The following RAD54B variants were observed in gnomAD, a reference collection of about 807,000 sequenced individuals.
RAD54B encodes the protein DNA repair and recombination protein RAD54B.
RAD54B carries 78 observed loss-of-function variants against 95.8 expected under a neutral mutation model. That is an observed-to-expected ratio of 0.81 (90% CI 0.68 to 0.98). The LOEUF (loss-of-function observed/expected upper bound fraction) is 0.98. Among genes scored for constraint, RAD54B ranks in the 50% least tolerant of loss-of-function variants. RAD54B has a pLI of 0.00. For missense variants in RAD54B, 957 were observed against 1,056.6 expected, an observed-to-expected ratio of 0.91 and a Z score of 1.31; for synonymous variants, 328 against 354.9, an observed-to-expected ratio of 0.92 and a Z score of 0.85.
intron 3 of RAD54B, among the ~76,000 whole-genome samples, chr8:94,444,759 A>G (rs1398030665): frequency 7.4e-6 from 1 of 135,290 alleles, no homozygotes; most frequent in Non-Finnish European, 1.6e-5. Flanking sequence ...TAGGCCCCTG[A>G]CCTTCCTTTC....
chr8:94,392,836 T>C (rs1586131446), intron 9 of RAD54B, among the ~76,000 whole-genome samples: 2 of 148,130 alleles, frequency 1.4e-5, no homozygotes, highest in African/African-American at 5.1e-5. Context: ...TTTAATTTTT[T>C]AGTTTTGTTT....
intron 14 of RAD54B, 149 bp from the exon 15 acceptor site, chr8:94,372,536 A>G (rs1299023438): frequency 1.4e-6 from 2 of 1,388,502 alleles, no homozygotes; most frequent in Non-Finnish European, 9.5e-7. Context: ...CTTTTTACAA[A>G]CATTTATAAG....
rs750783757 is a variant in RAD54B, at chr8:94,400,253, T to A, written c.1155A>T (p.Ile385=). 2.5e-6 allele frequency: 4 copies of A among 1,612,202 alleles called. No individual in the cohort carries two copies. Among genetic ancestry groups the A allele is most frequent in the Non-Finnish European group, 1.7e-6 (2 of 1,178,424 alleles). ...QKWLGSERIK[I]FTVDQDHKVE... is the part of the protein sequence containing the mutation. ...AGTTTCTTACCTGATCAACAGTAAA[T>A]ATCTTGATCCTTTCACTTCCTAGCC... is the stretch of plus-strand genomic sequence containing the variant. The change falls in exon 7 of 15, where the codon ATA becomes ATT. Residue 385 remains isoleucine (I), a synonymous_variant. Coordinates refer to ENST00000336148, the MANE Select transcript of RAD54B (RefSeq NM_012415.3).
chr8:94,473,583 T>C (rs1300557004), intron 1 of RAD54B, among the ~76,000 whole-genome samples: 1 of 152,184 alleles, frequency 6.6e-6, no homozygotes, highest in East Asian at 1.9e-4. Flanking sequence ...TAATTAGTAT[T>C]ATCGGAGAGT....
intron 3 of RAD54B, among the ~76,000 whole-genome samples, chr8:94,422,161 G>T (rs1811819676): frequency 6.6e-6 from 1 of 151,928 alleles, no homozygotes; most frequent in Non-Finnish European, 1.5e-5. Flanking sequence ...GCCTTCCCCA[G>T]TAACTTATAA....
At chr8:94,376,908 A>T (rs1394961007) in intron 14 of RAD54B, among the ~76,000 whole-genome samples, 1 of 151,928 alleles carries the variant, frequency 6.6e-6, no homozygotes, top group Non-Finnish European at 1.5e-5. Context: ...ATGTTTATAT[A>T]AAATCTAAAT....
intron 3 of RAD54B, among the ~76,000 whole-genome samples, chr8:94,444,503 G>A (rs973857640): frequency 5.3e-5 from 8 of 151,440 alleles, no homozygotes; most frequent in Admixed American, 2.0e-4. Context: ...GTGGATCTAC[G>A]TGTTCTAAAA....
intron 4 of RAD54B, among the ~76,000 whole-genome samples, chr8:94,409,827 G>A (rs1811483394): frequency 6.6e-6 from 1 of 152,122 alleles, no homozygotes; most frequent in Non-Finnish European, 1.5e-5. Context: ...ATATTCCAAA[G>A]TAATTGTGAT....
intron 3 of RAD54B, among the ~76,000 whole-genome samples, chr8:94,412,699 C>T (rs1811557369): frequency 6.6e-6 from 1 of 151,782 alleles, no homozygotes; most frequent in African/African-American, 2.4e-5. Flanking sequence ...ATTTTTTTTC[C>T]TTTTTACTAT....
In RAD54B at chr8:94,391,769, C is replaced by T. The variant is rs1028681710; in HGVS notation, c.1649G>A (p.Arg550Gln). The T allele has an allele frequency of 8.1e-6, 13 of 1,613,880 alleles. No individual in the cohort carries two copies. Among genetic ancestry groups the T allele is most frequent in the Middle Eastern group, 1.6e-4 (1 of 6,084 alleles). The part of the protein sequence containing the change: ...PPKIENVVFC[R>Q]PGALQIELYR... ...AAGCTCAATCTGTAGTGCTCCTGGT[C>T]GGCAAAAGACAACATTCTCTATTTT... The change falls in exon 10 of 15, where the codon CGA becomes CAA. Residue 550 changes from arginine to glutamine, a missense_variant. By Grantham distance (43) the Arg-to-Gln change is conservative. Transcript: ENST00000336148.
At chr8:94,392,195 A>G (rs1811039685) in intron 9 of RAD54B, among the ~76,000 whole-genome samples, 1 of 152,210 alleles carries the variant, frequency 6.6e-6, no homozygotes, top group South Asian at 2.1e-4. Context: ...GTAGACCATA[A>G]TTTAACCATT....
intron 12 of RAD54B, 39 bp downstream of exon 12, chr8:94,380,106 G>A (rs1395129867): frequency 6.5e-7 from 1 of 1,548,176 alleles, no homozygotes; most frequent in Non-Finnish European, 8.8e-7. Flanking sequence ...GTATCCTCAG[G>A]CATTCAATAA....
rs369490267 is a variant in RAD54B at position 94,422,752 on chromosome 8, T to TTATATATA, written c.305-11445_305-11438dup. On this transcript the variant is annotated intron_variant, in intron 3 of 14. Coordinates refer to ENST00000336148, the MANE Select transcript of RAD54B (RefSeq NM_012415.3). The stretch of plus-strand genomic sequence containing the variant: ...TAGAAAGCCTCCTCACCACAAAAAA[T>TTATATATA]TATATATATATATATATATATATAA... Among the ~76,000 whole-genome samples the TTATATATA allele has an allele frequency of 1.5e-3, 186 of 125,398 alleles. 1 individual carries two copies. The highest frequency in any genetic ancestry group is 5.2e-3 in the African/African-American group (179 of 34,314). 82.3% of individuals were successfully genotyped at this position (125,398 alleles called of 152,430 possible).
At position 94,399,494 on chromosome 8, in the gene RAD54B, C is replaced by A. The variant is rs1272798352; in HGVS notation, c.1298G>T (p.Gly433Val). The A allele has an allele frequency of 6.2e-7, 1 of 1,613,500 alleles. No individual in the cohort carries two copies. Among genetic ancestry groups the A allele is most frequent in the South Asian group, 1.1e-5 (1 of 91,044 alleles). ...AATGGCACTGTTCTTCAAACGATGC[C>A]CCTCGTCACAGATTAGAAGATCAAA... ...IKFDLLICDE[G>V]HRLKNSAIKT... The change falls in exon 8 of 15, where the codon GGG (glycine) becomes GTG (valine). Residue 433 changes from glycine to valine, a missense_variant. Coordinates refer to ENST00000336148, the MANE Select transcript of RAD54B (RefSeq NM_012415.3).
chr8:94,422,347 G>A lies in RAD54B; in HGVS notation c.305-11032C>T, dbSNP rs1586156356. On this transcript the variant is annotated intron_variant, in intron 3 of 14. Coordinates refer to ENST00000336148, the MANE Select transcript of RAD54B (RefSeq NM_012415.3). ...CACACCTGTAATCCCAGCACTTTGG[G>A]AGGCTGAGGCAGGCGGATTACCTGA... 2.0e-5 allele frequency among the ~76,000 whole-genome samples: 3 copies of A among 151,628 alleles called. 1 individual carries two copies. In the East Asian group the frequency reaches 5.8e-4, roughly 30 times the overall value.
chr8:94,468,671 T>A (rs1813090868), intron 1 of RAD54B, among the ~76,000 whole-genome samples: 2 of 150,964 alleles, frequency 1.3e-5, no homozygotes, highest in East Asian at 2.0e-4. Flanking sequence ...TAAAAAAAAA[T>A]ACCAAAAATT....
intron 10 of RAD54B, among the ~76,000 whole-genome samples, chr8:94,390,474 T>TGG (rs926311856): frequency 1.9e-4 from 29 of 150,800 alleles, no homozygotes; most frequent in African/African-American, 7.0e-4. Flanking sequence ...CACTCCAGCC[T>TGG]GGGGGACAAG....
chr8:94,411,453 A>G (rs1811529098), intron 3 of RAD54B, 138 bp from the exon 4 acceptor site: 1 of 647,318 alleles, frequency 1.5e-6, no homozygotes, highest in Admixed American at 3.7e-5. Context: ...GATCATACTC[A>G]TGTTAGCATT....
rs376870498 is a variant in RAD54B at position 94,407,460 on chromosome 8, G to A, written c.760C>T (p.Arg254Cys). ...RQNDFQNCKP[R>C]HDPYTPNSLV... ...TTACTTGGCGTATATGGGTCATGGC[G>A]TGGTTTGCAATTTTGGAAATCATTC... Residue 254 changes from arginine to cysteine, a missense_variant, in exon 5 of 15, where the codon CGC becomes TGC. Coordinates refer to ENST00000336148, the MANE Select transcript of RAD54B (RefSeq NM_012415.3). 49 of 1,613,086 alleles carry A rather than the reference G, an allele frequency of 3.0e-5. No homozygotes were observed. The highest frequency in any genetic ancestry group is 1.6e-4 in the Middle Eastern group (1 of 6,076).
Sources: allele counts gnomAD v4.1 joint callset (sites outside exome capture counted in the v4.1 genomes callset), GRCh38; gene constraint gnomAD v4.1.1; transcripts MANE v1.5; gene names NCBI Gene and HGNC (gene_info 2026-07-23, HGNC 2026-07-21).